SMYD3: variants seen among roughly 807,000 people sequenced by gnomAD.
SMYD3 encodes the protein histone-lysine N-methyltransferase SMYD3.
Under a neutral mutation model 57.7 loss-of-function variants are expected in SMYD3, and 36 were observed. The observed-to-expected ratio is 0.62, with a 90% CI of 0.48 to 0.82. The LOEUF (loss-of-function observed/expected upper bound fraction) is 0.82, where lower values mean the gene tolerates loss of function less well. SMYD3 is among the 40% of genes least tolerant of loss of function. The probability of loss-of-function intolerance (pLI) is 0.00; values close to 1 mark genes in which losing one functional copy is unlikely to be tolerated. For missense variants in SMYD3, 515 were observed against 538.8 expected, an observed-to-expected ratio of 0.96 and a Z score of 0.44; for synonymous variants, 211 against 195.0, an observed-to-expected ratio of 1.08 and a Z score of -0.68.
intron 5 of SMYD3, among the ~76,000 whole-genome samples, chr1:246,146,507 T>C (rs2061844944): frequency 6.6e-6 from 1 of 152,156 alleles, no homozygotes; most frequent in Non-Finnish European, 1.5e-5. Flanking sequence ...CCTTCAGCAG[T>C]TAAAGAGGAG....
At chr1:245,947,185 C>T (rs536758593) in intron 5 of SMYD3, among the ~76,000 whole-genome samples, 4 of 152,208 alleles carry the variant, frequency 2.6e-5, no homozygotes, top group African/African-American at 7.2e-5. Context: ...TATAGCCAGC[C>T]GCCATTCCCA....
chr1:245,810,484 G>A (rs1427699912), intron 10 of SMYD3, among the ~76,000 whole-genome samples: 1 of 152,194 alleles, frequency 6.6e-6, no homozygotes, highest in Non-Finnish European at 1.5e-5. Context: ...TGGTCTGTGA[G>A]TAGTCAGGAA....
At chr1:245,861,759 A>G (rs1361623070) in intron 9 of SMYD3, among the ~76,000 whole-genome samples, 1 of 152,178 alleles carries the variant, frequency 6.6e-6, no homozygotes, top group Admixed American at 6.5e-5. Flanking sequence ...AACTTCCCAA[A>G]GTTGACTATT....
At chr1:245,934,275 C>G (rs111377364) in intron 5 of SMYD3, among the ~76,000 whole-genome samples, 2 of 152,162 alleles carry the variant, frequency 1.3e-5, no homozygotes, top group Non-Finnish European at 2.9e-5. Context: ...TTGGCAGGTA[C>G]GAAAACCAGA....
intron 5 of SMYD3, among the ~76,000 whole-genome samples, chr1:246,313,103 G>A (rs2065105291): frequency 6.6e-6 from 1 of 151,878 alleles, no homozygotes; most frequent in Non-Finnish European, 1.5e-5. Flanking sequence ...GATGGGTTTT[G>A]TCATGTTGCC....
chr1:245,923,395 C>T (rs1056925258), intron 7 of SMYD3, among the ~76,000 whole-genome samples: 15 of 152,126 alleles, frequency 9.9e-5, no homozygotes, highest in African/African-American at 1.7e-4. Context: ...ATTTACTGGG[C>T]GCCTCCTATA....
At chr1:245,804,057 C>G (rs887849544) in intron 10 of SMYD3, among the ~76,000 whole-genome samples, 10 of 151,776 alleles carry the variant, frequency 6.6e-5, no homozygotes, top group Non-Finnish European at 2.9e-5. Flanking sequence ...GGACCACAGG[C>G]GCCCACCACC....
chr1:246,215,416 A>G (rs2148405440), intron 5 of SMYD3, among the ~76,000 whole-genome samples: 1 of 152,158 alleles, frequency 6.6e-6, no homozygotes, highest in African/African-American at 2.4e-5. Context: ...GCACACCCAT[A>G]TTTCTTACTT....
At chr1:246,014,473 G>A (rs73132342) in intron 5 of SMYD3, among the ~76,000 whole-genome samples, 1 of 152,040 alleles carries the variant, frequency 6.6e-6, no homozygotes, top group African/African-American at 2.4e-5. Flanking sequence ...AACTTTGAAC[G>A]AAGAGTCACG....
At chr1:245,769,916 A>T (rs1408130399) in intron 10 of SMYD3, among the ~76,000 whole-genome samples, 2 of 152,192 alleles carry the variant, frequency 1.3e-5, no homozygotes, top group African/African-American at 2.4e-5. Flanking sequence ...AGGTTCCAAC[A>T]ACTGCAGATC....
intron 5 of SMYD3, among the ~76,000 whole-genome samples, chr1:246,143,953 C>T (rs189191679): frequency 1.4e-3 from 211 of 152,322 alleles, no homozygotes; most frequent in African/African-American, 4.8e-3. Flanking sequence ...GCACTCGTTT[C>T]CTCACACAAC....
chr1:245,817,223 A>C (rs1212974351), intron 10 of SMYD3, among the ~76,000 whole-genome samples: 18 of 145,908 alleles, frequency 1.2e-4, no homozygotes, highest in African/African-American at 3.6e-4. Context: ...CTGCCTCCTC[A>C]AGTGGGTCCC....
rs2068110206 is a variant in SMYD3 at position 246,481,703 on chromosome 1, TATG to T, written c.164+25348_164+25350del. Among the ~76,000 whole-genome samples, 9 of 145,876 alleles carry T rather than the reference TATG, an allele frequency of 6.2e-5. No individual in the cohort carries two copies. The South Asian group carries it at 1.5e-3, about 24-fold the overall frequency. ...TCATATATGAGTATATATGATCATA[TATG>T]ATTATATATATATGAACTGATATGA... On this transcript the variant is annotated intron_variant, in intron 1 of 11. Transcript: ENST00000490107.
At chr1:245,849,023 G>C (rs1459944762) in intron 10 of SMYD3, among the ~76,000 whole-genome samples, 2 of 152,190 alleles carry the variant, frequency 1.3e-5, no homozygotes, top group African/African-American at 2.4e-5. Context: ...TTAGGACCAC[G>C]AGCATCTATG....
At chr1:246,150,543 A>G (rs962881001) in intron 5 of SMYD3, among the ~76,000 whole-genome samples, 1 of 152,210 alleles carries the variant, frequency 6.6e-6, no homozygotes, top group African/African-American at 2.4e-5. Flanking sequence ...ACTTATTACT[A>G]TACTGCTAAT....
chr1:245,846,099 G>T (rs928996793), intron 10 of SMYD3, among the ~76,000 whole-genome samples: 1 of 152,188 alleles, frequency 6.6e-6, no homozygotes, highest in South Asian at 2.1e-4. Flanking sequence ...AATGGGGTGG[G>T]GGGGAAGAAG....
intron 10 of SMYD3, among the ~76,000 whole-genome samples, chr1:245,794,337 A>G (rs934362166): frequency 1.3e-5 from 2 of 152,238 alleles, no homozygotes; most frequent in African/African-American, 2.4e-5. Flanking sequence ...TTTGAGAGAC[A>G]GTTTAACTAT....
intron 5 of SMYD3, among the ~76,000 whole-genome samples, chr1:246,071,231 TTG>T (rs2148382265): frequency 6.6e-6 from 1 of 152,220 alleles, no homozygotes; most frequent in East Asian, 1.9e-4. Flanking sequence ...AAACAATTTT[TTG>T]TGTGTGTCTG....
intron 1 of SMYD3, among the ~76,000 whole-genome samples, chr1:246,469,996 G>A (rs78453441): frequency 0.016 from 2,480 of 152,310 alleles, 33 homozygotes; most frequent in Non-Finnish European, 0.024. Flanking sequence ...CATAAATACT[G>A]TCTTATGTAA....
Sources: allele counts gnomAD v4.1 joint callset (sites outside exome capture counted in the v4.1 genomes callset), GRCh38; gene constraint gnomAD v4.1.1; transcripts MANE v1.5; gene names NCBI Gene and HGNC (gene_info 2026-07-23, HGNC 2026-07-21).